ARHGAP10: variants seen among roughly 807,000 people sequenced by gnomAD.
ARHGAP10 encodes the protein rho GTPase-activating protein 10.
A neutral mutation model predicts 108.6 loss-of-function variants in ARHGAP10; 87 were observed. The observed-to-expected ratio is 0.80, with a 90% CI of 0.67 to 0.96. The LOEUF (loss-of-function observed/expected upper bound fraction) is 0.96, where lower values mean the gene tolerates loss of function less well. ARHGAP10 is among the 40% of genes least tolerant of loss of function. The pLI, the probability that ARHGAP10 is intolerant of heterozygous loss-of-function variation, is 0.00. For synonymous variants in ARHGAP10, 347 were observed against 341.1 expected, an observed-to-expected ratio of 1.02 and a Z score of -0.19; for missense variants, 939 against 954.5, an observed-to-expected ratio of 0.98 and a Z score of 0.21.
intron 4 of ARHGAP10, among the ~76,000 whole-genome samples, chr4:147,855,277 A>G (rs1036317338): frequency 6.6e-6 from 1 of 152,226 alleles, no homozygotes; most frequent in African/African-American, 2.4e-5. Flanking sequence ...CTGACACCTA[A>G]TTCAGTGTGT....
chr4:147,800,444 A>G (rs941930901), intron 1 of ARHGAP10, among the ~76,000 whole-genome samples: 11 of 151,936 alleles, frequency 7.2e-5, no homozygotes, highest in Non-Finnish European at 1.6e-4. Flanking sequence ...AGGCTCCCCT[A>G]GTTATTGTTG....
intron 20 of ARHGAP10, among the ~76,000 whole-genome samples, chr4:148,049,162 C>G (rs925906239): frequency 1.3e-5 from 2 of 152,138 alleles, no homozygotes; most frequent in African/African-American, 4.8e-5. Flanking sequence ...ATGAGTGCCT[C>G]TTGGACTTGA....
At chr4:147,830,678 C>A (rs990821248) in intron 3 of ARHGAP10, among the ~76,000 whole-genome samples, 2 of 152,052 alleles carry the variant, frequency 1.3e-5, no homozygotes, top group Non-Finnish European at 2.9e-5. Context: ...TGCTACCACA[C>A]CCAGCTAATT....
intron 19 of ARHGAP10, among the ~76,000 whole-genome samples, chr4:148,045,235 A>G (rs1009470848): frequency 5.3e-5 from 8 of 152,126 alleles, no homozygotes; most frequent in Non-Finnish European, 1.2e-4. Context: ...TTCTTCTTCC[A>G]GCCATCACCA....
chr4:147,826,885 C>T (rs35101234), intron 3 of ARHGAP10, among the ~76,000 whole-genome samples: 101 of 152,304 alleles, frequency 6.6e-4, no homozygotes, highest in South Asian at 1.2e-3. Flanking sequence ...CTTTCCCTCC[C>T]CAAGCCCCGC....
chr4:147,812,086 T>G (rs141305283), intron 1 of ARHGAP10, among the ~76,000 whole-genome samples: 230 of 152,234 alleles, frequency 1.5e-3, no homozygotes, highest in African/African-American at 5.1e-3. Context: ...AACCTCCTGA[T>G]GGGTGAGAGT....
At chr4:147,855,411 GTAAC>G (rs1734043184) in intron 4 of ARHGAP10, among the ~76,000 whole-genome samples, 1 of 150,764 alleles carries the variant, frequency 6.6e-6, no homozygotes, top group Admixed American at 6.6e-5. Context: ...AGAAAAGAGA[GTAAC>G]TATGTAATAT....
chr4:147,859,880 T>G (rs1028911034), intron 5 of ARHGAP10, among the ~76,000 whole-genome samples: 2 of 152,230 alleles, frequency 1.3e-5, no homozygotes, highest in Non-Finnish European at 2.9e-5. Flanking sequence ...ACATACACTT[T>G]TTAATCTTGC....
intron 5 of ARHGAP10, among the ~76,000 whole-genome samples, chr4:147,858,881 C>T (rs1197161119): frequency 1.3e-5 from 2 of 152,212 alleles, no homozygotes; most frequent in Non-Finnish European, 2.9e-5. Context: ...TTTGCTTAGG[C>T]AACATCTTTG....
intron 18 of ARHGAP10, among the ~76,000 whole-genome samples, chr4:147,975,319 A>G (rs921484531): frequency 6.6e-6 from 1 of 152,096 alleles, no homozygotes; most frequent in African/African-American, 2.4e-5. Context: ...TGTTTGTAAC[A>G]TGTGCTTCAA....
intron 19 of ARHGAP10, among the ~76,000 whole-genome samples, chr4:148,028,383 T>C (rs377079900): frequency 4.7e-4 from 71 of 152,314 alleles, no homozygotes; most frequent in African/African-American, 1.6e-3. Flanking sequence ...CTGGGGAATA[T>C]GTATCCTGAC....
intron 10 of ARHGAP10, among the ~76,000 whole-genome samples, chr4:147,893,887 A>C (rs571353082): frequency 9.9e-5 from 15 of 152,284 alleles, no homozygotes; most frequent in African/African-American, 2.6e-4. Context: ...TTTTCATAGA[A>C]TGTAAGAATT....
At position 148,072,729 on chromosome 4, in the gene ARHGAP10, C is replaced by T. The variant is rs1730240836; in HGVS notation, c.*648C>T. The T allele has an allele frequency of 6.6e-6, 1 of 152,226 alleles. No homozygotes were observed. Among genetic ancestry groups the T allele is most frequent in the African/African-American group, 2.4e-5 (1 of 41,444 alleles). The allele number at this position is 152,226 out of a possible 1,614,324, so 9.4% of individuals were successfully genotyped here. On this transcript the variant is annotated 3_prime_UTR_variant, in exon 23 of 23. Coordinates refer to ENST00000336498, the MANE Select transcript of ARHGAP10 (RefSeq NM_024605.4). ...CCCGTGTGCTGTTTTCCAAACACCACCTTTTTGCCTCAAGGTCTCTGTAAA... is the reference window on the plus strand; with the variant it reads ...CCCGTGTGCTGTTTTCCAAACACCATCTTTTTGCCTCAAGGTCTCTGTAAA...
intron 1 of ARHGAP10, among the ~76,000 whole-genome samples, chr4:147,735,555 G>A (rs1048962924): frequency 6.6e-6 from 1 of 152,178 alleles, no homozygotes; most frequent in African/African-American, 2.4e-5. Context: ...GTCAGTTTTA[G>A]ATTATGGAGG....
In ARHGAP10 at chr4:147,881,843, C is replaced by T. The variant is rs770219638; in HGVS notation, c.945C>T (p.Asp315=). ...TTCAAAATGATTATTTGCAGGGGGA[C>T]GGAGAGGTGTTCTTTTTGAAAGAAT... The part of the protein sequence containing the change: ...FEHRSGGKLG[D]GEVFFLKECT... The change falls in exon 10 of 23, where the codon GAC becomes GAT. Residue 315 remains aspartate, a synonymous_variant. Transcript: ENST00000336498. 121 of 1,613,382 alleles carry T rather than the reference C, an allele frequency of 7.5e-5. No individual in the cohort carries two copies. The highest frequency in any genetic ancestry group is 3.3e-4 in the Middle Eastern group (2 of 6,084).
At chr4:147,883,756 G>A (rs1735432293) in intron 10 of ARHGAP10, among the ~76,000 whole-genome samples, 1 of 151,988 alleles carries the variant, frequency 6.6e-6, no homozygotes, top group Non-Finnish European at 1.5e-5. Context: ...GTGCAGTGGT[G>A]TAATCTCGGC....
chr4:147,887,535 A>G (rs768473826), intron 10 of ARHGAP10, among the ~76,000 whole-genome samples: 2 of 152,066 alleles, frequency 1.3e-5, no homozygotes, highest in African/African-American at 2.4e-5. Context: ...AAACATAACA[A>G]TTCTTCAAAA....
At chr4:147,851,904 T>C (rs2126824497) in intron 4 of ARHGAP10, among the ~76,000 whole-genome samples, 2 of 152,322 alleles carry the variant, frequency 1.3e-5, no homozygotes, top group South Asian at 4.1e-4. Flanking sequence ...AAGAGTTAAT[T>C]CTTCCTGGTT....
At chr4:147,932,538 C>G (rs1737746591) in intron 13 of ARHGAP10, among the ~76,000 whole-genome samples, 1 of 150,258 alleles carries the variant, frequency 6.7e-6, no homozygotes, top group Admixed American at 6.7e-5. Context: ...TTTTTCTTAG[C>G]AAAGTAATGC....
Sources: allele counts gnomAD v4.1 joint callset (sites outside exome capture counted in the v4.1 genomes callset), GRCh38; gene constraint gnomAD v4.1.1; transcripts MANE v1.5; gene names NCBI Gene and HGNC (gene_info 2026-07-23, HGNC 2026-07-21).